The following SINHCAF variants were observed in gnomAD, a reference collection of about 807,000 sequenced individuals.
SINHCAF encodes the protein SIN3-HDAC complex associated factor.
In SINHCAF, 3 loss-of-function variants were observed where a neutral mutation model predicts 25.8. The ratio of observed to expected loss-of-function variants is 0.12; its 90% CI spans 0.05 to 0.30. The LOEUF is 0.30. Ranked by LOEUF, SINHCAF falls within the 10% of genes least tolerant of loss-of-function variation. SINHCAF has a pLI of 1.00. For synonymous variants in SINHCAF, 70 were observed against 85.5 expected, an observed-to-expected ratio of 0.82 and a Z score of 1.00; for missense variants, 121 against 262.3, an observed-to-expected ratio of 0.46 and a Z score of 3.72.
Position 31,324,227 on chromosome 12 carries a change from GGGCTTGTTCC to G in SINHCAF, c.-21+1787_-21+1796del. On this transcript the variant is annotated intron_variant, in intron 1 of 5. Coordinates refer to ENST00000337682, the MANE Select transcript of SINHCAF (RefSeq NM_001135812.2). The surrounding 1 kb of genome is among the most constrained non-coding windows in gnomAD (Gnocchi z 5.5). ...GCGCCTCCCGCACGCCGCGCTGCCG[GGGCTTGTTCC>G]TCCTCATGGCTTTGCCCTGACGTAA... The G allele has an allele frequency of 4.9e-6, 1 of 204,098 alleles. No individual in the cohort carries two copies. Among genetic ancestry groups the G allele is most frequent in the Non-Finnish European group, 9.5e-6 (1 of 105,206 alleles). 12.6% of individuals were successfully genotyped at this position (204,098 alleles called of 1,614,324 possible).
chr12:31,296,928 G>A (rs975654456), intron 2 of SINHCAF: 15 of 397,542 alleles, frequency 3.8e-5, no homozygotes, highest in African/African-American at 1.9e-4. Flanking sequence ...CCAGCTACTC[G>A]AGAGGCTCAG....
intron 1 of SINHCAF, among the ~76,000 whole-genome samples, chr12:31,306,739 A>AT (rs1232295278): frequency 1.3e-5 from 2 of 151,604 alleles, no homozygotes; most frequent in East Asian, 1.9e-4. Context: ...AGACTAGTCC[A>AT]TTTTTTTACG....
intron 4 of SINHCAF, among the ~76,000 whole-genome samples, chr12:31,290,172 CAG>C (rs979973835): frequency 4.0e-5 from 6 of 149,246 alleles, no homozygotes; most frequent in Non-Finnish European, 7.4e-5. Context: ...TTGTTTAAAA[CAG>C]AGTCTCACTC....
At chr12:31,301,766 A>G (rs537672322) in intron 1 of SINHCAF, among the ~76,000 whole-genome samples, 1 of 152,154 alleles carries the variant, frequency 6.6e-6, no homozygotes, top group East Asian at 1.9e-4. Context: ...CAAAAAAAAA[A>G]CACTACTTAA....
intron 1 of SINHCAF, among the ~76,000 whole-genome samples, chr12:31,320,479 G>A (rs982413432): frequency 1.3e-5 from 2 of 152,054 alleles, no homozygotes; most frequent in East Asian, 1.9e-4. Context: ...ATAGTAAACC[G>A]CTGTAGAGCA....
rs905086351 is a variant in SINHCAF, at chr12:31,288,236, C to T, written c.356-452G>A. On this transcript the variant is annotated intron_variant, in intron 4 of 5. Coordinates refer to ENST00000337682, the MANE Select transcript of SINHCAF (RefSeq NM_001135812.2). The stretch of plus-strand genomic sequence containing the variant: ...CAACAACAAAACAAAAATCCAAAAC[C>T]CCAATTAAAACCTGATCTCTCTAGC... 1.6e-4 allele frequency among the ~76,000 whole-genome samples: 25 copies of T among 151,940 alleles called. 1 individual carries two copies. Among genetic ancestry groups the T allele is most frequent in the African/African-American group, 5.8e-4 (24 of 41,336 alleles).
intron 5 of SINHCAF, 46 bp downstream of exon 5, chr12:31,287,588 T>C (rs1312046065): frequency 6.9e-7 from 1 of 1,457,212 alleles, no homozygotes; most frequent in Admixed American, 2.0e-5. Flanking sequence ...ATACTGCCCA[T>C]AATTAAGATG....
Position 31,324,623 on chromosome 12 carries a change from G to A in SINHCAF, c.-21+1401C>T. On this transcript the variant is annotated intron_variant, in intron 1 of 5. Transcript: ENST00000337682. The surrounding 1 kb of genome is among the most constrained non-coding windows in gnomAD (Gnocchi z 5.5). ...CTACGCCCAGGCGGCGGCCCCGAGC[G>A]CCGGGGGCCCGCACGGGCACATGCA... 1 of 256,100 alleles carries A rather than the reference G, an allele frequency of 3.9e-6. No individual in the cohort carries two copies. The highest frequency in any genetic ancestry group is 7.9e-6 in the Non-Finnish European group (1 of 126,852). The allele number at this position is 256,100 out of a possible 1,614,324, so 15.9% of individuals were successfully genotyped here. A position where few individuals can be genotyped will look rare whatever the true frequency, so the allele number is the denominator to read the frequency against.
At chr12:31,296,480 A>C (rs1299613545) in intron 2 of SINHCAF, among the ~76,000 whole-genome samples, 1 of 151,754 alleles carries the variant, frequency 6.6e-6, no homozygotes. Flanking sequence ...TAGATATTTC[A>C]TAAGTATCAA....
chr12:31,318,354 A>C (rs1156487418), intron 1 of SINHCAF, among the ~76,000 whole-genome samples: 1 of 152,204 alleles, frequency 6.6e-6, no homozygotes, highest in Non-Finnish European at 1.5e-5. Context: ...ATAAATGTAA[A>C]TCTGTCTAGA....
In SINHCAF at chr12:31,325,052, T is replaced by G; in HGVS notation, c.-21+972A>C. 1 of 456,696 alleles carries G rather than the reference T, an allele frequency of 2.2e-6. No homozygotes were observed. Among genetic ancestry groups the G allele is most frequent in the East Asian group, 6.9e-5 (1 of 14,390 alleles). 28.3% of individuals were successfully genotyped at this position (456,696 alleles called of 1,614,324 possible). A position where few individuals can be genotyped will look rare whatever the true frequency, so the allele number is the denominator to read the frequency against. On this transcript the variant is annotated intron_variant, in intron 1 of 5. Coordinates refer to ENST00000337682, the MANE Select transcript of SINHCAF (RefSeq NM_001135812.2). This position sits in a 1 kb window ranked among gnomAD's most constrained non-coding sequence, Gnocchi z 5.9. ...AGCCCGAAGCACGTGGTCTGTCACG[T>G]AGAGCACAAAAAGCAGTGCCCTGCG...
intron 4 of SINHCAF, among the ~76,000 whole-genome samples, chr12:31,291,392 T>C (rs1310454928): frequency 1.3e-5 from 2 of 152,224 alleles, no homozygotes; most frequent in African/African-American, 4.8e-5. Flanking sequence ...CATTTGCTAG[T>C]GACAAGAGCT....
chr12:31,287,335 C>T (rs1938122595), intron 5 of SINHCAF, among the ~76,000 whole-genome samples: 1 of 152,038 alleles, frequency 6.6e-6, no homozygotes, highest in South Asian at 2.1e-4. Flanking sequence ...TATTTTTGGT[C>T]ACGTCTTTTT....
chr12:31,318,183 C>T, intron 1 of SINHCAF, among the ~76,000 whole-genome samples: 1 of 152,150 alleles, frequency 6.6e-6, no homozygotes, highest in South Asian at 2.1e-4. Flanking sequence ...TTGTATTCTC[C>T]CGCGGCTAGG....
chr12:31,285,198 G>A (rs781009193), intron 5 of SINHCAF, among the ~76,000 whole-genome samples: 5 of 152,168 alleles, frequency 3.3e-5, no homozygotes, highest in Middle Eastern at 3.4e-3. Context: ...TATCAGCCTG[G>A]CCAGCATGGT....
At chr12:31,294,776 G>C (rs1938480693) in intron 3 of SINHCAF, among the ~76,000 whole-genome samples, 1 of 152,138 alleles carries the variant, frequency 6.6e-6, no homozygotes, top group Non-Finnish European at 1.5e-5. Context: ...CTCTGTAAGA[G>C]AGCTATTATC....
chr12:31,311,114 G>A (rs1311008946), intron 1 of SINHCAF, among the ~76,000 whole-genome samples: 2 of 152,026 alleles, frequency 1.3e-5, no homozygotes, highest in Non-Finnish European at 2.9e-5. Context: ...TGATCCACCC[G>A]CCTTGGCCTC....
intron 1 of SINHCAF, among the ~76,000 whole-genome samples, chr12:31,322,068 G>A (rs1939715500): frequency 6.6e-6 from 1 of 152,010 alleles, no homozygotes; most frequent in African/African-American, 2.4e-5. Flanking sequence ...ACAGACTTGG[G>A]GCCTGCTGTC....
chr12:31,313,972 C>T (rs1424720559), intron 1 of SINHCAF, among the ~76,000 whole-genome samples: 1 of 151,354 alleles, frequency 6.6e-6, no homozygotes, highest in East Asian at 1.9e-4. Flanking sequence ...TGTTTTAATC[C>T]CTTAAAAAAA....
Sources: allele counts gnomAD v4.1 joint callset (sites outside exome capture counted in the v4.1 genomes callset), GRCh38; gene constraint gnomAD v4.1.1; non-coding constraint Gnocchi (gnomAD v3.1); transcripts MANE v1.5; gene names NCBI Gene and HGNC (gene_info 2026-07-23, HGNC 2026-07-21).